Variants in RRAGD observed in about 807,000 individuals in gnomAD.
RRAGD encodes ras-related GTP-binding protein D.
Under a neutral mutation model 35.5 loss-of-function variants are expected in RRAGD, and 12 were observed. The observed-to-expected ratio is 0.34, with a 90% CI of 0.22 to 0.55. RRAGD has a LOEUF of 0.55. Ranked by LOEUF, RRAGD falls within the 20% of genes least tolerant of loss-of-function variation. The probability of loss-of-function intolerance (pLI) is 0.91; values close to 1 mark genes in which losing one functional copy is unlikely to be tolerated. For synonymous variants in RRAGD, 155 were observed against 178.9 expected (o/e 0.87, Z 1.07); for missense variants, 324 against 490.1 (o/e 0.66, Z 3.20).
intron 1 of RRAGD, among the ~76,000 whole-genome samples, chr6:89,395,688 T>C (rs1769319814): frequency 6.6e-6 from 1 of 152,224 alleles, no homozygotes; most frequent in African/African-American, 2.4e-5. Flanking sequence ...ACAATAAATA[T>C]GTGGGTTAAT....
At chr6:89,372,137 GCCCCAA>G (rs1442547763) in intron 6 of RRAGD, among the ~76,000 whole-genome samples, 1 of 152,176 alleles carries the variant, frequency 6.6e-6, no homozygotes. Context: ...TGGCAACAGT[GCCCCAA>G]CTAGCTTCCC....
rs3734193 is a variant in RRAGD, at chr6:89,366,966, G to A, written c.*1090C>T. 0.072 allele frequency: 11,020 copies of A among 152,300 alleles called. 559 individuals are homozygous for A. Among genetic ancestry groups the A allele is most frequent in the Middle Eastern group, 0.13 (39 of 294 alleles). 9.4% of individuals were successfully genotyped at this position (152,300 alleles called of 1,614,324 possible). ...GAGGCATGTTATCACCAGTGAGAAG[G>A]AGATGTGGAGGTGACAAAAGTGACT... On this transcript the variant is annotated 3_prime_UTR_variant, in exon 7 of 7. Transcript: ENST00000369415.
chr6:89,391,292 GA>G lies in RRAGD; in HGVS notation c.149-3703del, dbSNP rs1769228617. On this transcript the variant is annotated intron_variant, in intron 1 of 6. Transcript: ENST00000369415. ...TCCAGCTACTCAGGAGACCAAGGTG[GA>G]AGGATCCCTTGAGCCCAGTGGCTCG... 5.9e-5 allele frequency among the ~76,000 whole-genome samples: 9 copies of G among 151,450 alleles called. No homozygotes were observed. In the South Asian group the frequency reaches 1.9e-3, roughly 32 times the overall value.
chr6:89,393,882 G>A (rs1374949380), intron 1 of RRAGD, among the ~76,000 whole-genome samples: 1 of 152,084 alleles, frequency 6.6e-6, no homozygotes, highest in African/African-American at 2.4e-5. Context: ...ATGAAAAAGG[G>A]GTATATAGAT....
At chr6:89,396,829 C>A (rs921924033) in intron 1 of RRAGD, among the ~76,000 whole-genome samples, 10 of 149,914 alleles carry the variant, frequency 6.7e-5, no homozygotes, top group African/African-American at 2.2e-4. Context: ...GCAACCTCCA[C>A]CTCCTGGGTT....
intron 1 of RRAGD, 61 bp from the exon 2 acceptor site, chr6:89,387,651 G>A (rs1769159237): frequency 1.4e-6 from 2 of 1,431,668 alleles, no homozygotes; most frequent in Admixed American, 3.9e-5. Context: ...AATTAGAGGA[G>A]TTTCACTTCC....
Position 89,411,572 on chromosome 6 carries a change from G to A in RRAGD, c.148+274C>T, listed in dbSNP as rs775203932. 22 of 492,268 alleles carry A rather than the reference G, an allele frequency of 4.5e-5. No homozygotes were observed. The highest frequency in any genetic ancestry group is 4.0e-4 in the East Asian group (10 of 24,864). 30.5% of individuals were successfully genotyped at this position (492,268 alleles called of 1,614,324 possible). A position where few individuals can be genotyped will look rare whatever the true frequency, so the allele number is the denominator to read the frequency against. On this transcript the variant is annotated intron_variant, in intron 1 of 6. Coordinates refer to ENST00000369415, the MANE Select transcript of RRAGD (RefSeq NM_021244.5). This position sits in a 1 kb window ranked among gnomAD's most constrained non-coding sequence, Gnocchi z 5.6. The stretch of plus-strand genomic sequence containing the variant: ...GCGCGGGAGGCACCGGCTCTGAAAG[G>A]GGCAGAAGCGCGCGCTCCTCCAGCC...
intron 3 of RRAGD, 72 bp downstream of exon 3, chr6:89,380,096 A>G: frequency 7.2e-7 from 1 of 1,379,324 alleles, no homozygotes; most frequent in Non-Finnish European, 1.0e-6. Flanking sequence ...CAAGCCAATC[A>G]TGGTGACTCC....
intron 1 of RRAGD, among the ~76,000 whole-genome samples, chr6:89,396,062 T>A (rs974343311): frequency 6.6e-6 from 1 of 152,186 alleles, no homozygotes; most frequent in Admixed American, 6.5e-5. Flanking sequence ...GTAAAATATT[T>A]ATGACTTTGC....
chr6:89,401,534 G>C (rs1420269113), intron 1 of RRAGD, among the ~76,000 whole-genome samples: 1 of 152,150 alleles, frequency 6.6e-6, no homozygotes, highest in African/African-American at 2.4e-5. Flanking sequence ...GGGATAACAT[G>C]CGTGAACCAC....
chr6:89,412,007 C>A lies in RRAGD; in HGVS notation c.-14G>T. On this transcript the variant is annotated 5_prime_UTR_variant, in exon 1 of 7. Coordinates refer to ENST00000369415, the MANE Select transcript of RRAGD (RefSeq NM_021244.5). The surrounding 1 kb of genome is among the most constrained non-coding windows in gnomAD (Gnocchi z 4.2). The stretch of plus-strand genomic sequence containing the variant: ...CACCTGGCTCATCGTGCCCACCGGC[C>A]GGCCGGCCCGGGGACGGCGGGGGTC... 1 of 1,523,870 alleles carries A rather than the reference C, an allele frequency of 6.6e-7. No homozygotes were observed. The highest frequency in any genetic ancestry group is 8.8e-7 in the Non-Finnish European group (1 of 1,140,686). 94.4% of individuals were successfully genotyped at this position (1,523,870 alleles called of 1,614,324 possible). A position where few individuals can be genotyped will look rare whatever the true frequency, so the allele number is the denominator to read the frequency against.
rs1768874103 is a variant in RRAGD, at chr6:89,372,657, A to T, written c.903-72T>A. The T allele has an allele frequency of 2.8e-6, 4 of 1,445,130 alleles. No homozygotes were observed. In the Admixed American group the frequency reaches 7.3e-5, roughly 26 times the overall value. The allele number at this position is 1,445,130 out of a possible 1,614,324, so 89.5% of individuals were successfully genotyped here. ...AGAAACTGTAAGCCAGTGACAAGAG[A>T]CCGGCTTTAAGCCACAAAAAGTGAT... On this transcript the variant is annotated intron_variant, in intron 5 of 6. Coordinates refer to ENST00000369415, the MANE Select transcript of RRAGD (RefSeq NM_021244.5).
rs1473623560 is a variant in RRAGD at position 89,365,750 on chromosome 6, A to C, written c.*2306T>G. The C allele has an allele frequency of 1.3e-5, 2 of 152,182 alleles. No homozygotes were observed. Among genetic ancestry groups the C allele is most frequent in the African/African-American group, 4.8e-5 (2 of 41,432 alleles). 9.4% of individuals were successfully genotyped at this position (152,182 alleles called of 1,614,324 possible). On this transcript the variant is annotated 3_prime_UTR_variant, in exon 7 of 7. Coordinates refer to ENST00000369415, the MANE Select transcript of RRAGD (RefSeq NM_021244.5). Reference sequence around the variant, plus strand: ...GCTTTTTAAGGCACATTTTAACAAAAACCCATCATATACCCAGCTTAAACA... The same window carrying C: ...GCTTTTTAAGGCACATTTTAACAAACACCCATCATATACCCAGCTTAAACA...
At chr6:89,378,811 G>T (rs952795292) in intron 4 of RRAGD, among the ~76,000 whole-genome samples, 2 of 152,342 alleles carry the variant, frequency 1.3e-5, no homozygotes, top group South Asian at 2.1e-4. Flanking sequence ...AGGCTGGAGT[G>T]CAGTGGCACA....
At chr6:89,409,164 G>A (rs1308401410) in intron 1 of RRAGD, among the ~76,000 whole-genome samples, 1 of 152,220 alleles carries the variant, frequency 6.6e-6, no homozygotes, top group Non-Finnish European at 1.5e-5. Context: ...TTAAAAATAA[G>A]ACCAGAGGTT....
At position 89,405,302 on chromosome 6, in the gene RRAGD, C is replaced by T. The variant is rs1009358782; in HGVS notation, c.148+6544G>A. Reference sequence around the variant, plus strand: ...CTGGGAGGCGGAGCTTGCAGTGAGCCGAGATCGCACCACTGCACTCCAGCC... The same window carrying T: ...CTGGGAGGCGGAGCTTGCAGTGAGCTGAGATCGCACCACTGCACTCCAGCC... On this transcript the variant is annotated intron_variant, in intron 1 of 6. Coordinates refer to ENST00000369415, the MANE Select transcript of RRAGD (RefSeq NM_021244.5). Among the ~76,000 whole-genome samples, 5 of 135,386 alleles carry T rather than the reference C, an allele frequency of 3.7e-5. No homozygotes were observed. The South Asian group carries it at 6.8e-4, about 19-fold the overall frequency. The allele number at this position is 135,386 out of a possible 152,430, so 88.8% of individuals were successfully genotyped here.
At chr6:89,375,030 A>C (rs923856993) in intron 5 of RRAGD, among the ~76,000 whole-genome samples, 3 of 152,220 alleles carry the variant, frequency 2.0e-5, no homozygotes, top group African/African-American at 7.2e-5. Flanking sequence ...TACTATATAG[A>C]TATTAAACAC....
intron 1 of RRAGD, among the ~76,000 whole-genome samples, chr6:89,401,108 T>C (rs1245660936): frequency 2.6e-5 from 4 of 151,948 alleles, no homozygotes; most frequent in Non-Finnish European, 5.9e-5. Flanking sequence ...GGAGGAGTAA[T>C]ATCTGAGTCT....
rs956980309 is a variant in RRAGD, at chr6:89,365,602, G to C, written c.*2454C>G. On this transcript the variant is annotated 3_prime_UTR_variant, in exon 7 of 7. Coordinates refer to ENST00000369415, the MANE Select transcript of RRAGD (RefSeq NM_021244.5). ...TCATTGCCACACTTACAAAGTTAGA[G>C]GCAGTAATCTATATTAGCGTGTGAT... is the stretch of plus-strand genomic sequence containing the variant. The C allele has an allele frequency of 1.3e-5, 2 of 152,290 alleles. No homozygotes were observed. The highest frequency in any genetic ancestry group is 3.9e-4 in the East Asian group (2 of 5,188). 9.4% of individuals were successfully genotyped at this position (152,290 alleles called of 1,614,324 possible). A position where few individuals can be genotyped will look rare whatever the true frequency, so the allele number is the denominator to read the frequency against.
Sources: gnomAD v4.1 joint callset for allele counts (sites outside exome capture counted in the v4.1 genomes callset) on GRCh38, gnomAD v4.1.1 for gene constraint, Gnocchi (gnomAD v3.1) non-coding constraint, MANE v1.5 for transcripts, NCBI Gene and HGNC (gene_info 2026-07-23, HGNC 2026-07-21) for gene names.